The following CYREN variants were observed in gnomAD, a reference collection of about 807,000 sequenced individuals.
The protein encoded by CYREN is cell cycle regulator of non-homologous end joining.
A neutral mutation model predicts 9.7 loss-of-function variants in CYREN; 7 were observed. That is an observed-to-expected ratio of 0.72 (90% CI 0.41 to 1.36). The LOEUF is 1.36. CYREN is among the 40% of genes most tolerant of loss of function. The pLI is 0.01. For synonymous variants in CYREN, 76 were observed against 77.9 expected, an observed-to-expected ratio of 0.98 and a Z score of 0.13; for missense variants, 215 against 198.1, an observed-to-expected ratio of 1.09 and a Z score of -0.51.
At chr7:135,115,377 C>G in intron 2 of CYREN, 1 of 1,542,650 alleles carries the variant, frequency 6.5e-7, no homozygotes, top group Non-Finnish European at 8.8e-7. Context: ...GGTTGCTCCC[C>G]AGATCTGCAC....
chr7:135,092,444 T>G (rs767795653), exon 3 of CYREN: 7 of 152,212 alleles, frequency 4.6e-5, no homozygotes, highest in Non-Finnish European at 1.0e-4. Flanking sequence ...TATTCAACCT[T>G]TGTTACATAA....
intron 2 of CYREN, among the ~76,000 whole-genome samples, chr7:135,141,596 T>C (rs1040901641): frequency 6.6e-6 from 1 of 152,206 alleles, no homozygotes; most frequent in African/African-American, 2.4e-5. Flanking sequence ...TCTTCTAGCT[T>C]TGGGGTCGGT....
chr7:135,097,180 C>T (rs1264832191), intron 2 of CYREN, among the ~76,000 whole-genome samples: 2 of 152,044 alleles, frequency 1.3e-5, no homozygotes, highest in Non-Finnish European at 2.9e-5. Flanking sequence ...TTTCCTGGTT[C>T]AAAGGTTACG....
chr7:135,115,200 C>CT (rs1563281122), intron 2 of CYREN, among the ~76,000 whole-genome samples: 1 of 152,138 alleles, frequency 6.6e-6, no homozygotes, highest in Non-Finnish European at 1.5e-5. Context: ...ATCCCGTAAA[C>CT]TTTATCATTA....
intron 1 of CYREN, 189 bp downstream of exon 1, chr7:135,170,463 C>T (rs1049760579): frequency 1.3e-5 from 2 of 152,300 alleles, no homozygotes; most frequent in African/African-American, 4.8e-5. Context: ...CCGCAGGGGC[C>T]TCGCTGACCC....
chr7:135,100,362 C>A lies in CYREN; in HGVS notation n.357-5780G>T, dbSNP rs1823645859. Among the ~76,000 whole-genome samples the A allele has an allele frequency of 2.0e-5, 3 of 152,094 alleles. 1 individual carries two copies. Among genetic ancestry groups the A allele is most frequent in the South Asian group, 4.1e-4 (2 of 4,830 alleles). On this transcript the variant is annotated intron_variant and non_coding_transcript_variant, in intron 2 of 2. Transcript: ENST00000459937. The stretch of plus-strand genomic sequence containing the variant: ...AGAATGGGAAGTCAAATATAACAGA[C>A]AAACTTTATAGTTTTGTCTAAACCA...
intron 2 of CYREN, among the ~76,000 whole-genome samples, chr7:135,102,623 T>TG (rs1824014143): frequency 8.8e-6 from 1 of 113,064 alleles, no homozygotes; most frequent in Non-Finnish European, 2.0e-5. Context: ...CTTTCTCTTG[T>TG]GGTTTTTTTT....
At chr7:135,132,711 T>G (rs952289655) in intron 2 of CYREN, among the ~76,000 whole-genome samples, 1 of 152,138 alleles carries the variant, frequency 6.6e-6, no homozygotes, top group African/African-American at 2.4e-5. Context: ...AAATAGGAGT[T>G]CCCCTGCATA....
At chr7:135,118,639 G>A (rs1826662582) in intron 2 of CYREN, among the ~76,000 whole-genome samples, 1 of 152,116 alleles carries the variant, frequency 6.6e-6, no homozygotes, top group African/African-American at 2.4e-5. Flanking sequence ...CTTGTACCAA[G>A]AACCAGGAAG....
chr7:135,097,977 G>T (rs1823167224), intron 2 of CYREN, among the ~76,000 whole-genome samples: 1 of 152,122 alleles, frequency 6.6e-6, no homozygotes, highest in African/African-American at 2.4e-5. Flanking sequence ...AGAAAGAGAA[G>T]TTTAACTTAT....
intron 2 of CYREN, among the ~76,000 whole-genome samples, chr7:135,096,742 T>TAAAGAAAGAAAGAAA (rs1314167999): frequency 2.0e-5 from 2 of 101,186 alleles, no homozygotes; most frequent in African/African-American, 7.6e-5. Flanking sequence ...AGAGAAAGAA[T>TAAAGAAAGAAAGAAA]GAAAGAAAGA....
At chr7:135,149,965 A>T (rs1431845019) in intron 2 of CYREN, among the ~76,000 whole-genome samples, 1 of 152,190 alleles carries the variant, frequency 6.6e-6, no homozygotes, top group Non-Finnish European at 1.5e-5. Flanking sequence ...TTTTTGGTGA[A>T]TAGAAATCTT....
At chr7:135,131,619 A>C (rs1156259919) in intron 2 of CYREN, among the ~76,000 whole-genome samples, 3 of 152,038 alleles carry the variant, frequency 2.0e-5, no homozygotes, top group African/African-American at 7.2e-5. Flanking sequence ...TCTGAAATCA[A>C]TAATCTAAGC....
chr7:135,153,381 G>C (rs1053001842), intron 2 of CYREN, among the ~76,000 whole-genome samples: 6 of 150,354 alleles, frequency 4.0e-5, no homozygotes, highest in African/African-American at 1.5e-4. Context: ...TTGAACCTGG[G>C]AGGCAGAGGT....
Position 135,115,602 on chromosome 7 carries a change from TC to T in CYREN, n.357-21021del, listed in dbSNP as rs1453877824. The T allele has an allele frequency of 1.9e-6, 3 of 1,545,644 alleles. No individual in the cohort carries two copies. The East Asian group carries it at 7.3e-5, about 38-fold the overall frequency. ...TTCAATCCAAGAACCAACTTCCAAA[TC>T]CAACATCAGTAAGTCAATACAATTT... On this transcript the variant is annotated intron_variant and non_coding_transcript_variant, in intron 2 of 2. Coordinates refer to the CYREN transcript ENST00000459937.
chr7:135,097,142 T>C lies in CYREN; in HGVS notation n.357-2560A>G, dbSNP rs540352196. Reference sequence around the variant, plus strand: ...CTTATCACATCATTCATTCCCTTGATTGCTTGATGAAACAAAGTAAAATTA... The same window carrying C: ...CTTATCACATCATTCATTCCCTTGACTGCTTGATGAAACAAAGTAAAATTA... On this transcript the variant is annotated intron_variant and non_coding_transcript_variant, in intron 2 of 2. Coordinates refer to the CYREN transcript ENST00000459937. Among the ~76,000 whole-genome samples, 250 of 152,290 alleles carry C rather than the reference T, an allele frequency of 1.6e-3. 2 individuals are homozygous for C. Among genetic ancestry groups the C allele is most frequent in the African/African-American group, 5.9e-3 (247 of 41,578 alleles).
At chr7:135,118,954 G>T (rs1826722068) in intron 2 of CYREN, among the ~76,000 whole-genome samples, 1 of 152,074 alleles carries the variant, frequency 6.6e-6, no homozygotes, top group Non-Finnish European at 1.5e-5. Context: ...TAGAAAAATA[G>T]AAATTACCCA....
intron 2 of CYREN, chr7:135,168,095 T>C (rs1830320393): frequency 2.2e-6 from 1 of 457,316 alleles, no homozygotes. Context: ...AACACACACA[T>C]GGATGCAAGA....
In CYREN at chr7:135,169,110, G is replaced by A. The variant is rs113940530; in HGVS notation, c.-138-50C>T. 289 of 593,828 alleles carry A rather than the reference G, an allele frequency of 4.9e-4. 3 individuals carry two copies. In the African/African-American group the frequency reaches 4.9e-3, roughly 10 times the overall value. The allele number at this position is 593,828 out of a possible 1,614,324, so 36.8% of individuals were successfully genotyped here. ...GAATTCCCATACCTCCAGTCATCAG[G>A]CACAGTTACTGGTCGGTGCAGGGCA... On this transcript the variant is annotated intron_variant, in intron 1 of 3. Transcript: ENST00000393114.
Sources: allele counts gnomAD v4.1 joint callset (sites outside exome capture counted in the v4.1 genomes callset), GRCh38; gene constraint gnomAD v4.1.1; transcripts MANE v1.5; gene names NCBI Gene and HGNC (gene_info 2026-07-23, HGNC 2026-07-21).